The following TDP1 variants were observed in gnomAD, a reference collection of about 807,000 sequenced individuals.
The protein encoded by TDP1 is tyrosyl-DNA phosphodiesterase 1.
Under a neutral mutation model 81.5 loss-of-function variants are expected in TDP1, and 64 were observed. That is an observed-to-expected ratio of 0.79 (90% CI 0.64 to 0.97). The LOEUF (loss-of-function observed/expected upper bound fraction) is 0.97. Among genes scored for constraint, TDP1 ranks in the 50% least tolerant of loss-of-function variants. TDP1 has a pLI of 0.00. For missense variants in TDP1, 723 were observed against 743.8 expected, an observed-to-expected ratio of 0.97 and a Z score of 0.33; for synonymous variants, 256 against 264.3, an observed-to-expected ratio of 0.97 and a Z score of 0.30.
At chr14:90,029,220 C>CAA (rs1352228755) in intron 15 of TDP1, among the ~76,000 whole-genome samples, 1 of 127,168 alleles carries the variant, frequency 7.9e-6, no homozygotes, top group Non-Finnish European at 1.6e-5. Flanking sequence ...TTTTTTGAGA[C>CAA]AGAGTCTCGC....
chr14:89,986,602 T>G (rs1566876139), intron 10 of TDP1, among the ~76,000 whole-genome samples: 2 of 152,246 alleles, frequency 1.3e-5, no homozygotes, highest in African/African-American at 2.4e-5. Context: ...CACCACAGCT[T>G]TCTTCCAGGA....
chr14:89,994,514 A>C (rs1299172004), intron 14 of TDP1, among the ~76,000 whole-genome samples: 2 of 152,236 alleles, frequency 1.3e-5, no homozygotes, highest in Middle Eastern at 3.2e-3. Flanking sequence ...ATTCTGTTTC[A>C]AGGGCATTAA....
chr14:90,008,861 A>T (rs575355398), intron 14 of TDP1, among the ~76,000 whole-genome samples: 53 of 152,246 alleles, frequency 3.5e-4, no homozygotes, highest in African/African-American at 1.3e-3. Flanking sequence ...GGTGCACACC[A>T]CCCTGCCTGG....
intron 16 of TDP1, among the ~76,000 whole-genome samples, chr14:90,035,613 C>T (rs1022681703): frequency 2.6e-5 from 4 of 152,082 alleles, no homozygotes; most frequent in African/African-American, 4.8e-5. Flanking sequence ...GAGTATCTAC[C>T]TTATAGGGTT....
intron 14 of TDP1, among the ~76,000 whole-genome samples, chr14:89,997,361 AG>A (rs1331658900): frequency 6.6e-6 from 1 of 152,140 alleles, no homozygotes; most frequent in Non-Finnish European, 1.5e-5. Flanking sequence ...GGAACATGGG[AG>A]GGCCCTCAAA....
chr14:89,984,660 C>A lies in TDP1; in HGVS notation c.1029C>A (p.His343Gln). 1 of 1,614,032 alleles carries A rather than the reference C, an allele frequency of 6.2e-7. No individual in the cohort carries two copies. Among genetic ancestry groups the A allele is most frequent in the Non-Finnish European group, 8.5e-7 (1 of 1,180,022 alleles). ...PSLKEWIDVI[H>Q]KHDLSETNVY... ...TCAAGGAGTGGATAGATGTCATTCA[C>A]AAGCACGATCTCTCTGAAACAAAGT... The change falls in exon 9 of 17, where the codon CAC becomes CAA. Residue 343 changes from histidine to glutamine, a missense_variant. Physicochemically the swap from His to Gln is conservative, Grantham distance 24. Coordinates refer to ENST00000335725, the MANE Select transcript of TDP1 (RefSeq NM_018319.4).
chr14:89,970,194 A>G (rs1483390316), intron 5 of TDP1, among the ~76,000 whole-genome samples: 5 of 152,244 alleles, frequency 3.3e-5, no homozygotes, highest in African/African-American at 9.6e-5. Flanking sequence ...CTTATTTCTA[A>G]GGATTATCTT....
chr14:89,989,166 G>A, intron 11 of TDP1, 76 bp downstream of exon 11: 2 of 1,157,870 alleles, frequency 1.7e-6, no homozygotes, highest in South Asian at 2.4e-5. Flanking sequence ...GGTCCTCTTT[G>A]TAATGGAGAG....
intron 16 of TDP1, among the ~76,000 whole-genome samples, chr14:90,038,371 AC>A (rs1888026256): frequency 6.6e-6 from 1 of 152,168 alleles, no homozygotes; most frequent in Non-Finnish European, 1.5e-5. Context: ...CCATTCTCCC[AC>A]TGCCTTATTA....
chr14:90,011,306 G>A (rs941948080), intron 14 of TDP1, among the ~76,000 whole-genome samples: 4 of 152,184 alleles, frequency 2.6e-5, no homozygotes, highest in African/African-American at 7.2e-5. Context: ...GTAGAGTGGG[G>A]TGCTGTTATA....
chr14:89,989,686 C>T, intron 11 of TDP1, 31 bp from the exon 12 acceptor site: 1 of 1,560,410 alleles, frequency 6.4e-7, no homozygotes, highest in Non-Finnish European at 8.8e-7. Flanking sequence ...ATGGTACATT[C>T]CGAGTTTTAT....
chr14:89,975,554 A>T, intron 6 of TDP1: 3 of 737,070 alleles, frequency 4.1e-6, no homozygotes, highest in Non-Finnish European at 5.0e-6. Context: ...TCTGTAGTGT[A>T]TAATCATTCT....
At chr14:90,019,161 A>T in intron 14 of TDP1, 155 bp from the exon 15 acceptor site, 1 of 906,520 alleles carries the variant, frequency 1.1e-6, no homozygotes, top group Non-Finnish European at 1.3e-6. Flanking sequence ...CAGATTTTAA[A>T]TTCTCTTTTC....
At chr14:90,022,707 A>G (rs1452510328) in intron 15 of TDP1, 4 of 981,320 alleles carry the variant, frequency 4.1e-6, no homozygotes, top group Non-Finnish European at 4.8e-6. Flanking sequence ...TTATATCACA[A>G]CATCTATGTT....
Position 90,033,140 on chromosome 14 carries a change from T to A in TDP1, c.1679T>A (p.Phe560Tyr). Reference protein sequence around the residue: ...LDSFKVKQKFFAGSQEPMATF... With the variant: ...LDSFKVKQKFYAGSQEPMATF... ...AGTTTCAAAGTGAAACAGAAGTTCT[T>A]CGCTGGCAGCCAGGAGCCAATGGCC... Residue 560 changes from phenylalanine (F) to tyrosine (Y), a missense_variant, in exon 16 of 17, where the codon TTC becomes TAC. Physicochemically the swap from Phe to Tyr is conservative, Grantham distance 22. Transcript: ENST00000335725. 4 of 1,613,574 alleles carry A rather than the reference T, an allele frequency of 2.5e-6. No homozygotes were observed. Among genetic ancestry groups the A allele is most frequent in the Non-Finnish European group, 3.4e-6 (4 of 1,179,516 alleles).
intron 14 of TDP1, among the ~76,000 whole-genome samples, chr14:90,010,404 T>C (rs868509280): frequency 4.6e-5 from 7 of 152,380 alleles, no homozygotes; most frequent in African/African-American, 1.7e-4. Flanking sequence ...CACCCAAAGA[T>C]GTCTTTGTGT....
chr14:89,984,388 C>T, intron 8 of TDP1, 128 bp from the exon 9 acceptor site: 1 of 1,576,104 alleles, frequency 6.3e-7, no homozygotes, highest in South Asian at 1.2e-5. Context: ...TTTCATGTTT[C>T]CTAAGATTAC....
intron 7 of TDP1, among the ~76,000 whole-genome samples, chr14:89,977,264 C>T (rs1340336851): frequency 2.0e-5 from 3 of 152,086 alleles, no homozygotes; most frequent in Admixed American, 6.5e-5. Context: ...AGATTGAGCT[C>T]GTGTCTTGAA....
At chr14:89,954,983 C>CT (rs1891432458), upstream of TDP1, 1 of 438,112 alleles carries the variant, frequency 2.3e-6, no homozygotes, top group African/African-American at 2.0e-5. Flanking sequence ...CTTCTAGGTG[C>CT]TGGTTCAATG....
Sources: gnomAD v4.1 joint callset for allele counts (sites outside exome capture counted in the v4.1 genomes callset) on GRCh38, gnomAD v4.1.1 for gene constraint, MANE v1.5 for transcripts, NCBI Gene and HGNC (gene_info 2026-07-23, HGNC 2026-07-21) for gene names.